PRSS54: variants seen among roughly 807,000 people sequenced by gnomAD.
The protein encoded by PRSS54 is serine protease 54.
PRSS54 carries 16 observed loss-of-function variants against 19.9 expected under a neutral mutation model. That is an observed-to-expected ratio of 0.80 (90% CI 0.54 to 1.22). The LOEUF (loss-of-function observed/expected upper bound fraction) is 1.22, where lower values mean the gene tolerates loss of function less well. Among genes scored for constraint, PRSS54 ranks in the 50% most tolerant of loss-of-function variants. The pLI, the probability that PRSS54 is intolerant of heterozygous loss-of-function variation, is 0.00. For synonymous variants in PRSS54, 177 were observed against 195.8 expected, an observed-to-expected ratio of 0.90 and a Z score of 0.80; for missense variants, 444 against 494.8, an observed-to-expected ratio of 0.90 and a Z score of 0.97.
Position 58,285,950 on chromosome 16 carries a change from T to A in PRSS54, c.509A>T (p.Asn170Ile), listed in dbSNP as rs1964911400. Residue 170 changes from asparagine to isoleucine, a missense_variant, in exon 5 of 7, where the codon AAT (asparagine) becomes ATT (isoleucine). Asn to Ile is a moderately radical substitution (Grantham distance 149, BLOSUM62 -3). Coordinates refer to ENST00000567164, the MANE Select transcript of PRSS54 (RefSeq NM_001305173.2). Reference sequence around the variant, plus strand: ...GAATGCCTTAACTGCAGATGTGGGATTCCATCCTGACACCCAGCAGTTCTG... The same window carrying A: ...GAATGCCTTAACTGCAGATGTGGGAATCCATCCTGACACCCAGCAGTTCTG... ...VLQNCWVSGW[N>I]PTSATGNHMT... The A allele has an allele frequency of 5.6e-6, 9 of 1,614,126 alleles. No homozygotes were observed. The highest frequency in any genetic ancestry group is 7.6e-6 in the Non-Finnish European group (9 of 1,179,994).
chr16:58,287,330 C>G (rs1009015504), intron 4 of PRSS54, among the ~76,000 whole-genome samples: 1 of 152,168 alleles, frequency 6.6e-6, no homozygotes, highest in Non-Finnish European at 1.5e-5. Context: ...AATAAAGGGA[C>G]TCTTTACAAA....
intron 3 of PRSS54, among the ~76,000 whole-genome samples, chr16:58,292,994 T>C (rs1965068475): frequency 6.6e-6 from 1 of 152,174 alleles, no homozygotes; most frequent in Non-Finnish European, 1.5e-5. Flanking sequence ...GACAGAGAGC[T>C]GCAGGAGGCT....
In PRSS54 at chr16:58,280,737, C is replaced by A; in HGVS notation, c.675G>T (p.Met225Ile). 1 of 1,606,122 alleles carries A rather than the reference C, an allele frequency of 6.2e-7. No individual in the cohort carries two copies. Among genetic ancestry groups the A allele is most frequent in the Non-Finnish European group, 8.5e-7 (1 of 1,173,636 alleles). Residue 225 changes from methionine (M) to isoleucine (I), a missense_variant, in exon 7 of 7, where the codon ATG becomes ATT. Physicochemically the swap from Met to Ile is conservative, Grantham distance 10. Transcript: ENST00000567164. ...GATCGAACTGCTGTAGCTGGCACAT[C>A]ATTGGGCTTCCTGGGTCCCCCTGTG... ...TACLGDPGSP[M>I]MCQLQQFDLW...
At chr16:58,284,131 T>G (rs1325373111) in intron 6 of PRSS54, among the ~76,000 whole-genome samples, 2 of 58 alleles carry the variant, frequency 0.034, no homozygotes, top group Non-Finnish European at 0.056. Flanking sequence ...CTTCTACACA[T>G]TTTTTTTTGA....
At chr16:58,292,260 A>G (rs1004458785) in intron 3 of PRSS54, among the ~76,000 whole-genome samples, 10 of 152,110 alleles carry the variant, frequency 6.6e-5, no homozygotes, top group African/African-American at 2.2e-4. Flanking sequence ...GCATCCAACC[A>G]CACTTGGCCC....
chr16:58,293,893 C>T, intron 2 of PRSS54, 71 bp from the exon 3 acceptor site: 3 of 1,247,796 alleles, frequency 2.4e-6, no homozygotes, highest in East Asian at 5.0e-5. Context: ...CCTCTTTTTT[C>T]CATCCTCTTC....
Position 58,286,017 on chromosome 16 carries a change from T to G in PRSS54, c.442A>C (p.Ile148Leu), listed in dbSNP as rs1456895986. 6.2e-7 allele frequency: 1 copy of G among 1,614,070 alleles called. No homozygotes were observed. Among genetic ancestry groups the G allele is most frequent in the East Asian group, 2.2e-5 (1 of 44,894 alleles). Reference sequence around the variant, plus strand: ...TGCAGCATTCTGCCGAGGAAGCAGATGGACTGGACCAGGTTGCCAAAATGC... The same window carrying G: ...TGCAGCATTCTGCCGAGGAAGCAGAGGGACTGGACCAGGTTGCCAAAATGC... Reference protein sequence around the residue: ...AMHFGNLVQSICFLGRMLHTP... With the variant: ...AMHFGNLVQSLCFLGRMLHTP... Residue 148 changes from isoleucine (I) to leucine (L), a missense_variant, in exon 5 of 7, where the codon ATC (isoleucine) becomes CTC (leucine). Transcript: ENST00000567164.
In PRSS54 at chr16:58,290,948, G is replaced by A; in HGVS notation, c.263+11C>T. On this transcript the variant is annotated intron_variant, in intron 4 of 6. Transcript: ENST00000567164. ...GGCGATGTTGCGGGCCCCAAAGGCAGGGGCACTGGCCTGTTCTGAATGGCG... is the reference window on the plus strand; with the variant it reads ...GGCGATGTTGCGGGCCCCAAAGGCAAGGGCACTGGCCTGTTCTGAATGGCG... 6.2e-7 allele frequency: 1 copy of A among 1,613,268 alleles called. No individual in the cohort carries two copies. The highest frequency in any genetic ancestry group is 8.5e-7 in the Non-Finnish European group (1 of 1,179,446).
chr16:58,286,112 A>G lies in PRSS54; in HGVS notation c.347T>C (p.Ile116Thr), dbSNP rs775531138. Reference sequence around the variant, plus strand: ...GTTGTTATCAAAGTCCTCATGGATGATGATGGTATTGACTGGATACTCTGT... The same window carrying G: ...GTTGTTATCAAAGTCCTCATGGATGGTGATGGTATTGACTGGATACTCTGT... ...AHTEYPVNTI[I>T]IHEDFDNNSM... Residue 116 changes from isoleucine to threonine, a missense_variant, in exon 5 of 7, where the codon ATC becomes ACC. By Grantham distance (89) the Ile-to-Thr change is moderately conservative (BLOSUM62 -1). Coordinates refer to ENST00000567164, the MANE Select transcript of PRSS54 (RefSeq NM_001305173.2). 2.5e-6 allele frequency: 4 copies of G among 1,614,198 alleles called. No individual in the cohort carries two copies. Among genetic ancestry groups the G allele is most frequent in the South Asian group, 1.1e-5 (1 of 91,088 alleles).
At chr16:58,283,506 T>C (rs190117143) in intron 6 of PRSS54, 1 of 152,334 alleles carries the variant, frequency 6.6e-6, no homozygotes, top group Admixed American at 6.5e-5. Flanking sequence ...TTTTAATCAG[T>C]TGATGTCAGA....
intron 4 of PRSS54, 38 bp downstream of exon 4, chr16:58,290,921 C>A: frequency 6.2e-7 from 1 of 1,607,762 alleles, no homozygotes. Flanking sequence ...ACCCTCACCC[C>A]CGGCGATGTT....
intron 3 of PRSS54, 32 bp downstream of exon 3, chr16:58,293,700 T>C: frequency 6.3e-7 from 1 of 1,597,944 alleles, no homozygotes; most frequent in Middle Eastern, 1.7e-4. Flanking sequence ...CGTGTGCAGC[T>C]AAAGTCAGAG....
At chr16:58,291,192 C>G in intron 3 of PRSS54, 56 bp from the exon 4 acceptor site, 5 of 1,515,900 alleles carry the variant, frequency 3.3e-6, no homozygotes, top group South Asian at 1.2e-5. Context: ...AGGACCCTCT[C>G]TCCTGTGGGC....
At position 58,280,105 on chromosome 16, in the gene PRSS54, G is replaced by C; in HGVS notation, c.*119C>G. The C allele has an allele frequency of 1.2e-5, 12 of 1,023,876 alleles. No homozygotes were observed. The highest frequency in any genetic ancestry group is 1.7e-5 in the Non-Finnish European group (12 of 694,572). 63.4% of individuals were successfully genotyped at this position (1,023,876 alleles called of 1,614,324 possible). A position where few individuals can be genotyped will look rare whatever the true frequency, so the allele number is the denominator to read the frequency against. ...GAGAGCCAGCCCAGTGTATGCCATG[G>C]GCTTATCCGTGGCAGCCCCAGTGTG... is the stretch of plus-strand genomic sequence containing the variant. On this transcript the variant is annotated 3_prime_UTR_variant, in exon 7 of 7. Coordinates refer to ENST00000567164, the MANE Select transcript of PRSS54 (RefSeq NM_001305173.2).
rs1309138140 is a variant in PRSS54 at position 58,280,772 on chromosome 16, A to G, written c.655-15T>C. The G allele has an allele frequency of 6.3e-7, 1 of 1,584,268 alleles. No individual in the cohort carries two copies. The highest frequency in any genetic ancestry group is 2.3e-5 in the East Asian group (1 of 44,434). ...CCTGGGTCCCCCTGTGATAAAAGAC[A>G]GAAGGCTTCAAGTCTTAGAAAAACT... On this transcript the variant is annotated splice_polypyrimidine_tract_variant and intron_variant, in intron 6 of 6. Coordinates refer to ENST00000567164, the MANE Select transcript of PRSS54 (RefSeq NM_001305173.2).
At chr16:58,288,297 G>A (rs1964962526) in intron 4 of PRSS54, among the ~76,000 whole-genome samples, 1 of 152,126 alleles carries the variant, frequency 6.6e-6, no homozygotes, top group South Asian at 2.1e-4. Flanking sequence ...ATGGTGGCAT[G>A]CGCCTGTAGT....
intron 4 of PRSS54, 58 bp downstream of exon 4, chr16:58,290,901 G>C (rs1965021872): frequency 7.0e-6 from 11 of 1,579,762 alleles, no homozygotes; most frequent in Middle Eastern, 3.4e-4. Context: ...CAGGAAACAG[G>C]GTCGCCCCCA....
At position 58,280,450 on chromosome 16, in the gene PRSS54, G is replaced by T. The variant is rs761249665; in HGVS notation, c.962C>A (p.Thr321Lys). The T allele has an allele frequency of 3.7e-6, 6 of 1,614,072 alleles. No homozygotes were observed. In the East Asian group the frequency reaches 1.1e-4, roughly 30 times the overall value. The change falls in exon 7 of 7, where the codon ACG becomes AAG. Residue 321 changes from threonine to lysine, a missense_variant. Physicochemically the swap from Thr to Lys is moderately conservative, Grantham distance 78. Coordinates refer to ENST00000567164, the MANE Select transcript of PRSS54 (RefSeq NM_001305173.2). ...AGAGCTGTTTCCTAGTCGTGAATGCGTGATGGTCCTTCTTTGTCCCTGCAA... is the reference window on the plus strand; with the variant it reads ...AGAGCTGTTTCCTAGTCGTGAATGCTTGATGGTCCTTCTTTGTCCCTGCAA... ...SYLQGQRRTI[T>K]HSRLGNSSRD... is the part of the protein sequence containing the mutation.
intron 6 of PRSS54, chr16:58,282,016 T>G (rs1964765896): frequency 6.7e-6 from 1 of 150,290 alleles, no homozygotes; most frequent in African/African-American, 2.5e-5. Context: ...CTAATTTTTT[T>G]TTTTTTTTTT....
Sources: allele counts gnomAD v4.1 joint callset (sites outside exome capture counted in the v4.1 genomes callset), GRCh38; gene constraint gnomAD v4.1.1; transcripts MANE v1.5; gene names NCBI Gene and HGNC (gene_info 2026-07-23, HGNC 2026-07-21).